OLFM2: variants seen among roughly 807,000 people sequenced by gnomAD.
The protein encoded by OLFM2 is noelin-2.
In OLFM2, 20 loss-of-function variants were observed where a neutral mutation model predicts 43.9. The ratio of observed to expected loss-of-function variants is 0.46; its 90% CI spans 0.32 to 0.66. OLFM2 has a LOEUF of 0.66. Among genes scored for constraint, OLFM2 ranks in the 30% least tolerant of loss-of-function variants. The pLI is 0.04. For synonymous variants in OLFM2, 268 were observed against 278.6 expected, an observed-to-expected ratio of 0.96 and a Z score of 0.38; for missense variants, 416 against 643.6, an observed-to-expected ratio of 0.65 and a Z score of 3.83.
chr19:9,932,480 G>GATA (rs1263550766), intron 1 of OLFM2, among the ~76,000 whole-genome samples: 1 of 150,958 alleles, frequency 6.6e-6, no homozygotes, highest in African/African-American at 2.4e-5. Context: ...AAGAAAGAAA[G>GATA]AGAGAGAAAG....
intron 1 of OLFM2, among the ~76,000 whole-genome samples, chr19:9,923,068 C>T (rs76666796): frequency 0.022 from 3,306 of 152,162 alleles, 57 homozygotes; most frequent in Non-Finnish European, 0.037. Flanking sequence ...GAAGACTGTA[C>T]AGCAGTTTCT....
intron 2 of OLFM2, chr19:9,858,179 G>A: frequency 4.6e-6 from 2 of 433,196 alleles, no homozygotes; most frequent in Non-Finnish European, 8.7e-6. Context: ...TCAAAACAGA[G>A]ATTAGATCAC....
chr19:9,875,252 C>G (rs952737572), intron 1 of OLFM2, among the ~76,000 whole-genome samples: 2 of 152,172 alleles, frequency 1.3e-5, no homozygotes, highest in African/African-American at 4.8e-5. Context: ...TTTTTCAAGG[C>G]AGGCGAGAGA....
intron 1 of OLFM2, among the ~76,000 whole-genome samples, chr19:9,912,337 C>T (rs1568384237): frequency 6.6e-6 from 1 of 152,094 alleles, no homozygotes; most frequent in Non-Finnish European, 1.5e-5. Flanking sequence ...TTGCCTTCGA[C>T]CCTAGGGAGC....
In OLFM2 at chr19:9,857,901, C is replaced by T. The variant is rs1185976009; in HGVS notation, c.214-40G>A. On this transcript the variant is annotated intron_variant, in intron 2 of 5. Transcript: ENST00000264833. This position sits in a 1 kb window ranked among gnomAD's most constrained non-coding sequence, Gnocchi z 5.7. ...AACTGAAGGGACCAGACCTCCTTCCCCAAATCCCAACCCAGAGATGCCACA... is the reference window on the plus strand; with the variant it reads ...AACTGAAGGGACCAGACCTCCTTCCTCAAATCCCAACCCAGAGATGCCACA... The T allele has an allele frequency of 6.2e-7, 1 of 1,612,976 alleles. No homozygotes were observed. Among genetic ancestry groups the T allele is most frequent in the Admixed American group, 1.7e-5 (1 of 59,986 alleles).
At chr19:9,882,318 C>T (rs567015815) in intron 1 of OLFM2, among the ~76,000 whole-genome samples, 6 of 150,438 alleles carry the variant, frequency 4.0e-5, no homozygotes, top group Admixed American at 1.3e-4. Context: ...GTGGGTGGAT[C>T]GTGAGGTCAG....
intron 1 of OLFM2, among the ~76,000 whole-genome samples, chr19:9,888,449 G>GT (rs1044059370): frequency 2.5e-4 from 2 of 7,844 alleles, no homozygotes; most frequent in African/African-American, 4.7e-4. Flanking sequence ...GCTTGAGCCT[G>GT]GGGGGCGGAG....
At position 9,907,459 on chromosome 19, in the gene OLFM2, C is replaced by T. The variant is rs189689500; in HGVS notation, c.63+28845G>A. Among the ~76,000 whole-genome samples, 13 of 152,004 alleles carry T rather than the reference C, an allele frequency of 8.6e-5. No individual in the cohort carries two copies. In the East Asian group the frequency reaches 1.9e-3, roughly 23 times the overall value. On this transcript the variant is annotated intron_variant, in intron 1 of 5. Transcript: ENST00000264833. ...CCTGGGTGAGAGCGAGATTCTATCT[C>T]AAAATAAATGAATAAACAAACAAAC...
At chr19:9,925,089 C>A (rs541953615) in intron 1 of OLFM2, among the ~76,000 whole-genome samples, 4 of 151,988 alleles carry the variant, frequency 2.6e-5, no homozygotes, top group African/African-American at 7.2e-5. Context: ...ATGGTGAAAT[C>A]CTAGCTCTAC....
chr19:9,914,084 T>A (rs1165882645), intron 1 of OLFM2, among the ~76,000 whole-genome samples: 2 of 149,166 alleles, frequency 1.3e-5, no homozygotes, highest in Non-Finnish European at 1.5e-5. Flanking sequence ...CCAACGGTAT[T>A]CCCGGCCCCC....
intron 2 of OLFM2, among the ~76,000 whole-genome samples, chr19:9,859,562 G>A (rs2046350996): frequency 6.6e-6 from 1 of 152,122 alleles, no homozygotes; most frequent in African/African-American, 2.4e-5. Flanking sequence ...CAAAGTGCTG[G>A]GATTACAGGC....
At chr19:9,923,290 C>T (rs1190873313) in intron 1 of OLFM2, among the ~76,000 whole-genome samples, 1 of 151,834 alleles carries the variant, frequency 6.6e-6, no homozygotes, top group Non-Finnish European at 1.5e-5. Context: ...CACGGTGGCT[C>T]ATGCCTGTAA....
intron 1 of OLFM2, among the ~76,000 whole-genome samples, chr19:9,892,168 G>A (rs1451760045): frequency 6.6e-6 from 1 of 152,100 alleles, no homozygotes; most frequent in Non-Finnish European, 1.5e-5. Flanking sequence ...GCCACGTGTT[G>A]CTGTGTATCT....
chr19:9,875,858 CG>C (rs1381343870), intron 1 of OLFM2, among the ~76,000 whole-genome samples: 1 of 152,046 alleles, frequency 6.6e-6, no homozygotes, highest in Non-Finnish European at 1.5e-5. Context: ...ATAGCTACCA[CG>C]GGGACCAAAA....
intron 1 of OLFM2, among the ~76,000 whole-genome samples, chr19:9,927,060 G>A (rs1478774995): frequency 6.6e-6 from 1 of 152,082 alleles, no homozygotes; most frequent in South Asian, 2.1e-4. Context: ...GAGGCAGGCA[G>A]ATCACGAGGT....
chr19:9,873,208 T>G (rs1345361432), intron 1 of OLFM2, among the ~76,000 whole-genome samples: 1 of 152,118 alleles, frequency 6.6e-6, no homozygotes, highest in Non-Finnish European at 1.5e-5. Context: ...AGTGGTGTAA[T>G]CACGGCGCGA....
intron 1 of OLFM2, among the ~76,000 whole-genome samples, chr19:9,875,576 G>A (rs997459365): frequency 1.3e-5 from 2 of 148,592 alleles, no homozygotes; most frequent in Non-Finnish European, 3.0e-5. Context: ...CTGCAGCTTC[G>A]ACTTCCCTGG....
Position 9,853,845 on chromosome 19 carries a change from G to T in OLFM2, c.*341C>A. The T allele has an allele frequency of 3.9e-6, 2 of 515,266 alleles. No individual in the cohort carries two copies. Among genetic ancestry groups the T allele is most frequent in the Non-Finnish European group, 6.8e-6 (2 of 296,014 alleles). The allele number at this position is 515,266 out of a possible 1,614,324, so 31.9% of individuals were successfully genotyped here. A position where few individuals can be genotyped will look rare whatever the true frequency, so the allele number is the denominator to read the frequency against. ...GGTGGGAGTGAGGGATGAGGAATGG[G>T]TGGGAAGCAAGGAGGGAGGGGTGGA... is the stretch of plus-strand genomic sequence containing the variant. On this transcript the variant is annotated 3_prime_UTR_variant, in exon 6 of 6. Coordinates refer to ENST00000264833, the MANE Select transcript of OLFM2 (RefSeq NM_058164.4).
intron 1 of OLFM2, among the ~76,000 whole-genome samples, chr19:9,876,999 G>T (rs1276291699): frequency 6.6e-6 from 1 of 151,960 alleles, no homozygotes; most frequent in African/African-American, 2.4e-5. Context: ...GGAGGTCAAG[G>T]GGGGCAGATC....
Sources: allele counts gnomAD v4.1 joint callset (sites outside exome capture counted in the v4.1 genomes callset), GRCh38; gene constraint gnomAD v4.1.1; non-coding constraint Gnocchi (gnomAD v3.1); transcripts MANE v1.5; gene names NCBI Gene and HGNC (gene_info 2026-07-23, HGNC 2026-07-21).